The following ZNF469 variants were observed in gnomAD, a reference collection of about 807,000 sequenced individuals.
ZNF469 encodes the protein zinc finger protein 469.
In ZNF469, 1 loss-of-function variant was observed where a neutral mutation model predicts 1.0. The observed-to-expected ratio is 1.00, with a 90% CI of 0.35 to 4.73. The LOEUF (loss-of-function observed/expected upper bound fraction) is 4.73. ZNF469 is among the 30% of genes most tolerant of loss of function. The pLI is 0.16. For missense variants in ZNF469, 6,100 were observed against 5,356.3 expected, an observed-to-expected ratio of 1.14 and a Z score of -4.33; for synonymous variants, 2,703 against 2,363.4, an observed-to-expected ratio of 1.14 and a Z score of -4.17.
the ZNF469 span, among the ~76,000 whole-genome samples, chr16:88,227,695 T>G: frequency 0.97 from 148,051 of 151,916 alleles, 72,259 homozygotes; most frequent in East Asian, 1. Flanking sequence ...CATCTCTGTG[T>G]TGACGTCCCC....
chr16:88,428,156 CCAGTGGGG>C lies in ZNF469; in HGVS notation c.688_695del (p.Ser230ArgfsTer8). 6.5e-7 allele frequency: 1 copy of C among 1,550,224 alleles called. No individual in the cohort carries two copies. The highest frequency in any genetic ancestry group is 8.7e-7 in the Non-Finnish European group (1 of 1,146,898). Reference sequence around the variant, plus strand: ...CCCGGTTCCTATCCCGAATACCAGGCCAGTGGGGCCGACTCCTGGCCTCCCGCTGCTGA... The same window carrying C: ...CCCGGTTCCTATCCCGAATACCAGGCCCGACTCCTGGCCTCCCGCTGCTGA... On this transcript the variant is annotated frameshift_variant, in exon 3 of 3. Coordinates refer to ENST00000565624, the MANE Select transcript of ZNF469 (RefSeq NM_001367624.2). LOFTEE classifies it low-confidence loss of function (END_TRUNC).
At chr16:88,194,689 G>T in the ZNF469 span, 1 of 152,238 alleles carries the variant, frequency 6.6e-6, no homozygotes, top group Non-Finnish European at 1.5e-5. Context: ...TTTATTTTCC[G>T]ATCCACTGGT....
At chr16:88,109,231 G>A in the ZNF469 span, among the ~76,000 whole-genome samples, 1 of 152,174 alleles carries the variant, frequency 6.6e-6, no homozygotes, top group Non-Finnish European at 1.5e-5. Context: ...TCTCTTCTTT[G>A]TGGGTGAGGC....
At chr16:88,361,573 G>A in the ZNF469 span, among the ~76,000 whole-genome samples, 1 of 152,126 alleles carries the variant, frequency 6.6e-6, no homozygotes, top group African/African-American at 2.4e-5. Flanking sequence ...GGCATTTTCT[G>A]TTCTAATTCT....
the ZNF469 span, among the ~76,000 whole-genome samples, chr16:88,319,449 C>A: frequency 6.6e-6 from 1 of 152,190 alleles, no homozygotes. Flanking sequence ...AGGAGGCAGT[C>A]CGAGGCCTCG....
the ZNF469 span, among the ~76,000 whole-genome samples, chr16:88,223,639 G>A: frequency 6.6e-6 from 1 of 152,216 alleles, no homozygotes; most frequent in Non-Finnish European, 1.5e-5. Flanking sequence ...GGTGCCTGAA[G>A]CCGTGCCTGG....
At chr16:88,348,245 G>T in the ZNF469 span, among the ~76,000 whole-genome samples, 1 of 152,214 alleles carries the variant, frequency 6.6e-6, no homozygotes, top group Admixed American at 6.5e-5. Flanking sequence ...GGCTCCTGGT[G>T]GCTGCGGGAG....
At chr16:88,123,766 C>T in the ZNF469 span, among the ~76,000 whole-genome samples, 2 of 152,160 alleles carry the variant, frequency 1.3e-5, no homozygotes, top group Admixed American at 1.3e-4. Context: ...TCCTATACCT[C>T]TTTGCAATCT....
At chr16:88,359,859 C>A in the ZNF469 span, among the ~76,000 whole-genome samples, 2 of 152,160 alleles carry the variant, frequency 1.3e-5, no homozygotes, top group Non-Finnish European at 2.9e-5. Flanking sequence ...ATTGAATAGA[C>A]CTTATCATGT....
the ZNF469 span, among the ~76,000 whole-genome samples, chr16:88,282,283 T>TC: frequency 6.6e-6 from 1 of 152,180 alleles, no homozygotes; most frequent in Non-Finnish European, 1.5e-5. Context: ...GGAAGGCACC[T>TC]TGGGCCTGTG....
chr16:88,264,818 G>T, the ZNF469 span, among the ~76,000 whole-genome samples: 3 of 151,826 alleles, frequency 2.0e-5, no homozygotes, highest in South Asian at 2.1e-4. Flanking sequence ...CCCCCGCCTC[G>T]CACCCTCGCG....
chr16:88,248,995 T>C, the ZNF469 span, among the ~76,000 whole-genome samples: 1 of 152,190 alleles, frequency 6.6e-6, no homozygotes, highest in Admixed American at 6.5e-5. Context: ...TCTGTGACTG[T>C]GTGTCCGTGT....
chr16:88,285,848 G>A, the ZNF469 span, among the ~76,000 whole-genome samples: 4,002 of 152,368 alleles, frequency 0.026, 74 homozygotes, highest in South Asian at 0.057. Flanking sequence ...TGCTTTCCAT[G>A]TGGGAGGGGC....
chr16:88,249,711 C>T, the ZNF469 span, among the ~76,000 whole-genome samples: 1 of 152,218 alleles, frequency 6.6e-6, no homozygotes, highest in Non-Finnish European at 1.5e-5. Flanking sequence ...GCTGGGATTA[C>T]AGGCGTGAGC....
At chr16:88,325,402 C>A in the ZNF469 span, among the ~76,000 whole-genome samples, 7 of 152,250 alleles carry the variant, frequency 4.6e-5, no homozygotes, top group Non-Finnish European at 1.0e-4. Flanking sequence ...GCACAATTTC[C>A]ACCCAGAGCA....
At chr16:88,304,841 G>C in the ZNF469 span, among the ~76,000 whole-genome samples, 1 of 152,228 alleles carries the variant, frequency 6.6e-6, no homozygotes. Flanking sequence ...ACCAAAGCAA[G>C]GGACCCAGGT....
At chr16:88,180,187 A>G in the ZNF469 span, among the ~76,000 whole-genome samples, 2 of 152,350 alleles carry the variant, frequency 1.3e-5, no homozygotes, top group East Asian at 3.9e-4. Flanking sequence ...AAAAGAACAG[A>G]CGAGACAAAT....
rs1038878508 is a variant in ZNF469, at chr16:88,405,141, C to A, written c.-191-19666C>A. On this transcript the variant is annotated intron_variant, in intron 1 of 2. Transcript: ENST00000565624. ...CAATGGGAGATTGGTGGTGGACAGG[C>A]AAGGAACAGATGTCCACACAGAGGG... Among the ~76,000 whole-genome samples, 17 of 152,128 alleles carry A rather than the reference C, an allele frequency of 1.1e-4. 1 individual carries two copies. The highest frequency in any genetic ancestry group is 6.8e-3 in the Middle Eastern group (2 of 294).
chr16:88,185,526 AC>A, the ZNF469 span, among the ~76,000 whole-genome samples: 1 of 149,394 alleles, frequency 6.7e-6, no homozygotes, highest in Non-Finnish European at 1.5e-5. Context: ...CATACATGTG[AC>A]CAGACCCACA....
Sources: allele counts gnomAD v4.1 joint callset (sites outside exome capture counted in the v4.1 genomes callset), GRCh38; gene constraint gnomAD v4.1.1; transcripts MANE v1.5; gene names NCBI Gene and HGNC (gene_info 2026-07-23, HGNC 2026-07-21).